The following DNMBP variants were observed in gnomAD, a reference collection of about 807,000 sequenced individuals.
DNMBP encodes the protein dynamin-binding protein.
Under a neutral mutation model 150.0 loss-of-function variants are expected in DNMBP, and 87 were observed. The ratio of observed to expected loss-of-function variants is 0.58; its 90% confidence interval spans 0.49 to 0.69. The LOEUF (loss-of-function observed/expected upper bound fraction) is 0.69. DNMBP is among the 30% of genes least tolerant of loss of function. The probability of loss-of-function intolerance (pLI) is 0.00; values close to 1 mark genes in which losing one functional copy is unlikely to be tolerated. For synonymous variants in DNMBP, 711 were observed against 750.4 expected (o/e 0.95, Z 0.86); for missense variants, 1,774 against 1,949.0 (o/e 0.91, Z 1.69).
In DNMBP at chr10:99,877,092, C is replaced by CGTATAATTAA; in HGVS notation, c.*58_*59insTTAATTATAC. On this transcript the variant is annotated 3_prime_UTR_variant, in exon 17 of 17. Transcript: ENST00000324109. ...AGCAGGCGCCCTCTCGGTGGGCCGCCAGAACCCTCGGCGGACTGAAAGCAA... is the reference window on the plus strand; with the variant it reads ...AGCAGGCGCCCTCTCGGTGGGCCGCCGTATAATTAAAGAACCCTCGGCGGACTGAAAGCAA... 2.2e-6 allele frequency: 3 copies of CGTATAATTAA among 1,383,390 alleles called. No homozygotes were observed. Among genetic ancestry groups the CGTATAATTAA allele is most frequent in the African/African-American group, 1.7e-5 (1 of 57,204 alleles). 85.7% of individuals were successfully genotyped at this position (1,383,390 alleles called of 1,614,324 possible).
intron 16 of DNMBP, among the ~76,000 whole-genome samples, chr10:99,879,452 C>T (rs1204606338): frequency 6.6e-6 from 1 of 151,498 alleles, no homozygotes; most frequent in East Asian, 1.9e-4. Context: ...GGGTGACAAA[C>T]TCCTCAAAAA....
chr10:99,995,949 GTACAAT>G (rs2040946900), intron 1 of DNMBP, among the ~76,000 whole-genome samples: 1 of 152,188 alleles, frequency 6.6e-6, no homozygotes, highest in Non-Finnish European at 1.5e-5. Context: ...CATTATTACA[GTACAAT>G]TACATTTACA....
chr10:99,987,047 C>T (rs1192540734), intron 1 of DNMBP, among the ~76,000 whole-genome samples: 2 of 150,708 alleles, frequency 1.3e-5, no homozygotes, highest in African/African-American at 2.4e-5. Flanking sequence ...CCCAGCTACT[C>T]GGGAGGCTGA....
At chr10:99,891,081 A>ATGAT (rs2039548821) in intron 11 of DNMBP, among the ~76,000 whole-genome samples, 2 of 152,032 alleles carry the variant, frequency 1.3e-5, no homozygotes, top group Admixed American at 1.3e-4. Flanking sequence ...AGACAGAGCA[A>ATGAT]TGATTTAATC....
intron 4 of DNMBP, among the ~76,000 whole-genome samples, chr10:99,941,787 C>G (rs2040304234): frequency 1.3e-5 from 2 of 152,064 alleles, no homozygotes; most frequent in Admixed American, 1.3e-4. Flanking sequence ...TCTCTTATAC[C>G]TCACATCTAA....
At chr10:99,915,527 T>C (rs1372739692) in intron 4 of DNMBP, among the ~76,000 whole-genome samples, 3 of 151,978 alleles carry the variant, frequency 2.0e-5, no homozygotes, top group Admixed American at 2.0e-4. Flanking sequence ...GGCAACATAG[T>C]GAGACCCTCA....
rs2040494898 is a variant in DNMBP at position 99,956,300 on chromosome 10, A to C, written c.1174T>G (p.Trp392Gly). 1 of 1,605,504 alleles carries C rather than the reference A, an allele frequency of 6.2e-7. No homozygotes were observed. Among genetic ancestry groups the C allele is most frequent in the South Asian group, 1.1e-5 (1 of 90,830 alleles). Residue 392 changes from tryptophan to glycine, a missense_variant, in exon 4 of 17, where the codon TGG becomes GGG. By Grantham distance (184) the Trp-to-Gly change is radical (BLOSUM62 -2). Transcript: ENST00000324109. The stretch of plus-strand genomic sequence containing the variant: ...GAGTCTGTGGCAAGAGGCATTTCCC[A>C]CTCCACGCCTGGGCTTCTCGGGGGC... ...GGPPRSPGVE[W>G]EMPLATDSPT...
chr10:99,896,495 C>CTT, intron 9 of DNMBP, 98 bp from the exon 10 acceptor site: 1 of 1,111,314 alleles, frequency 9.0e-7, no homozygotes, highest in Non-Finnish European at 1.4e-6. Context: ...TAGTCCTTGT[C>CTT]TTCAATGAGC....
intron 1 of DNMBP, among the ~76,000 whole-genome samples, chr10:99,972,965 A>T (rs1047333869): frequency 6.6e-6 from 1 of 152,166 alleles, no homozygotes; most frequent in Non-Finnish European, 1.5e-5. Context: ...TATTTTTAGT[A>T]GAGACAGGGT....
intron 3 of DNMBP, among the ~76,000 whole-genome samples, chr10:99,965,194 C>A (rs900442919): frequency 1.2e-4 from 18 of 152,030 alleles, no homozygotes; most frequent in African/African-American, 4.1e-4. Flanking sequence ...TCACAATCAC[C>A]CTGAGGTAGG....
At chr10:99,915,108 A>AAAAAAAAAAATATAT (rs10654940) in intron 4 of DNMBP, among the ~76,000 whole-genome samples, 5 of 99,804 alleles carry the variant, frequency 5.0e-5, no homozygotes, top group African/African-American at 1.3e-4. Flanking sequence ...AAAAAAAAAA[A>AAAAAAAAAAATATAT]ATATATATAT....
At chr10:99,965,718 A>G (rs1262376053) in intron 3 of DNMBP, among the ~76,000 whole-genome samples, 1 of 152,056 alleles carries the variant, frequency 6.6e-6, no homozygotes, top group Non-Finnish European at 1.5e-5. Flanking sequence ...GCTGGTCTCG[A>G]ACTCCTTACC....
chr10:99,987,796 TGA>T (rs1302804115), intron 1 of DNMBP, among the ~76,000 whole-genome samples: 1 of 151,482 alleles, frequency 6.6e-6, no homozygotes, highest in East Asian at 1.9e-4. Flanking sequence ...CAGACTGCTA[TGA>T]GAGAGAACAA....
intron 11 of DNMBP, among the ~76,000 whole-genome samples, chr10:99,894,372 C>T (rs2039620717): frequency 6.6e-6 from 1 of 152,188 alleles, no homozygotes; most frequent in African/African-American, 2.4e-5. Context: ...GGTGCTGGTT[C>T]TGACCTCAGG....
intron 4 of DNMBP, among the ~76,000 whole-genome samples, chr10:99,924,619 T>A (rs2040058275): frequency 6.6e-6 from 1 of 152,224 alleles, no homozygotes; most frequent in Non-Finnish European, 1.5e-5. Flanking sequence ...TCTGGATACC[T>A]TCAATGCTTG....
At chr10:99,888,764 A>G in intron 12 of DNMBP, 61 bp downstream of exon 12, 4 of 1,603,108 alleles carry the variant, frequency 2.5e-6, no homozygotes, top group Non-Finnish European at 3.4e-6. Context: ...GACTTGCATG[A>G]GCTGATGTAT....
chr10:99,879,924 C>T lies in DNMBP; in HGVS notation c.4435G>A (p.Val1479Ile), dbSNP rs140468338. 5.9e-5 allele frequency: 95 copies of T among 1,614,136 alleles called. 1 individual carries two copies. In the Middle Eastern group the frequency reaches 6.6e-4, roughly 11 times the overall value. ...TGACTTTGCCCATTTCGTCCTGGTACGGAGTAGCCAACTATTTCTGGATGC... is the reference window on the plus strand; with the variant it reads ...TGACTTTGCCCATTTCGTCCTGGTATGGAGTAGCCAACTATTTCTGGATGC... ...FRHPEIVGYS[V>I]PGRNGQSQDL... Residue 1479 changes from valine (V) to isoleucine (I), a missense_variant, in exon 16 of 17, where the codon GTA becomes ATA. By Grantham distance (29) the Val-to-Ile change is conservative. This residue lies in a region of DNMBP where 1,430 missense variants were observed against 1,492.5 expected (regional missense o/e 0.96). Coordinates refer to ENST00000324109, the MANE Select transcript of DNMBP (RefSeq NM_015221.4).
At chr10:99,887,778 C>CAT (rs936818292) in intron 12 of DNMBP, among the ~76,000 whole-genome samples, 1 of 152,102 alleles carries the variant, frequency 6.6e-6, no homozygotes, top group Admixed American at 6.6e-5. Flanking sequence ...TAAACAATCC[C>CAT]ATATATATGG....
At chr10:99,971,328 TTTC>T (rs1299218657) in intron 2 of DNMBP, among the ~76,000 whole-genome samples, 1 of 151,780 alleles carries the variant, frequency 6.6e-6, no homozygotes. Context: ...CCTTCCTTCC[TTTC>T]TTTCTTTTCT....
Sources: allele counts gnomAD v4.1 joint callset (sites outside exome capture counted in the v4.1 genomes callset), GRCh38; gene constraint gnomAD v4.1.1; regional missense constraint gnomAD v4.1.1; transcripts MANE v1.5; gene names NCBI Gene and HGNC (gene_info 2026-07-23, HGNC 2026-07-21).